The following LY6S variants were observed in gnomAD, a reference collection of about 807,000 sequenced individuals.
The protein encoded by LY6S is lymphocyte antigen 6S.
chr8:143,044,820 G>A, the LY6S span: 5 of 1,364,752 alleles, frequency 3.7e-6, no homozygotes, highest in African/African-American at 1.5e-5. Flanking sequence ...AGGGCAAGGT[G>A]GGTGACTGCA....
At chr8:143,056,188 AGAT>A in the LY6S span, among the ~76,000 whole-genome samples, 1 of 146,470 alleles carries the variant, frequency 6.8e-6, no homozygotes, top group Non-Finnish European at 1.5e-5. Context: ...TTATCAGGGT[AGAT>A]CATACATTTG....
At chr8:143,065,816 T>TTTCTTTCTTTCTTTCTTTCTTTCC in the LY6S span, 1 of 142,598 alleles carries the variant, frequency 7.0e-6, no homozygotes, top group South Asian at 2.4e-4. Context: ...TCTTTCTTTC[T>TTTCTTTCTTTCTTTCTTTCTTTCC]TTCTTTCCTT....
chr8:143,058,368 G>C, the LY6S span, among the ~76,000 whole-genome samples: 1 of 152,228 alleles, frequency 6.6e-6, no homozygotes, highest in African/African-American at 2.4e-5. Context: ...TCCAATGATA[G>C]GTAAGGTCAC....
At chr8:143,041,224 A>T in the LY6S span, among the ~76,000 whole-genome samples, 7 of 152,154 alleles carry the variant, frequency 4.6e-5, no homozygotes, top group East Asian at 7.7e-4. Flanking sequence ...GGCTTATTTC[A>T]TCCCTTATCT....
chr8:143,056,711 C>T, the LY6S span, among the ~76,000 whole-genome samples: 1 of 152,010 alleles, frequency 6.6e-6, no homozygotes, highest in African/African-American at 2.4e-5. Context: ...CTTTTTTTAA[C>T]TTTTCCAGAA....
the LY6S span, among the ~76,000 whole-genome samples, chr8:143,043,997 A>G: frequency 6.6e-6 from 1 of 152,100 alleles, no homozygotes; most frequent in Non-Finnish European, 1.5e-5. Context: ...TTCCTGCCTC[A>G]CCTCACTGAA....
At chr8:143,057,346 T>G in the LY6S span, 2 of 375,892 alleles carry the variant, frequency 5.3e-6, no homozygotes, top group Non-Finnish European at 1.0e-5. Flanking sequence ...ACCTCCAGGG[T>G]TCAAGCAATT....
chr8:143,044,189 T>G, the LY6S span: 8 of 456,272 alleles, frequency 1.8e-5, no homozygotes, highest in South Asian at 1.2e-4. Context: ...TCCAGGCAGG[T>G]AACTCACTGA....
chr8:143,044,639 C>G, the LY6S span: 3 of 1,351,594 alleles, frequency 2.2e-6, no homozygotes, highest in East Asian at 4.6e-5. Flanking sequence ...AAGTGCCCCT[C>G]CCTCCCCAGA....
the LY6S span, among the ~76,000 whole-genome samples, chr8:143,075,355 A>G: frequency 6.6e-6 from 1 of 152,172 alleles, no homozygotes; most frequent in Non-Finnish European, 1.5e-5. The surrounding 1 kb of genome is among the most constrained non-coding windows in gnomAD (Gnocchi z 4.1). Context: ...TCACCTAAGA[A>G]AAAAGTCTCC....
the LY6S span, chr8:143,065,928 G>C: frequency 3.6e-6 from 1 of 276,894 alleles, no homozygotes; most frequent in Non-Finnish European, 7.1e-6. Context: ...CGTGGGCTTT[G>C]GTGGCGGTCG....
At chr8:143,049,602 T>C in the LY6S span, among the ~76,000 whole-genome samples, 2 of 152,162 alleles carry the variant, frequency 1.3e-5, no homozygotes, top group African/African-American at 4.8e-5. Flanking sequence ...ATGGCCCAAC[T>C]CCAAGTCCAG....
the LY6S span, among the ~76,000 whole-genome samples, chr8:143,051,870 G>A: frequency 6.6e-6 from 1 of 151,618 alleles, no homozygotes; most frequent in Admixed American, 6.6e-5. Context: ...TACTCGGGAG[G>A]CTGAGGCAGG....
the LY6S span, chr8:143,049,157 T>G: frequency 1.9e-6 from 1 of 534,716 alleles, no homozygotes; most frequent in Admixed American, 1.9e-5. Context: ...CCAGCTTGGC[T>G]CGGGGACACC....
At chr8:143,045,837 G>A in the LY6S span, among the ~76,000 whole-genome samples, 3 of 148,704 alleles carry the variant, frequency 2.0e-5, 1 homozygote, top group South Asian at 6.5e-4. This position sits in a 1 kb window ranked among gnomAD's most constrained non-coding sequence, Gnocchi z 5.3. Flanking sequence ...AGCAATAGGT[G>A]ACTCCAGGCC....
At chr8:143,066,800 T>C in the LY6S span, among the ~76,000 whole-genome samples, 8 of 152,340 alleles carry the variant, frequency 5.3e-5, no homozygotes, top group Admixed American at 5.2e-4. Flanking sequence ...GTGTTGATGC[T>C]GGGACGAGTT....
chr8:143,071,779 C>T, the LY6S span, among the ~76,000 whole-genome samples: 2 of 152,146 alleles, frequency 1.3e-5, no homozygotes, highest in African/African-American at 2.4e-5. Flanking sequence ...CGCACGTGCC[C>T]GGCTTCAGCG....
chr8:143,072,920 C>T, the LY6S span, among the ~76,000 whole-genome samples: 4 of 64,290 alleles, frequency 6.2e-5, no homozygotes, highest in South Asian at 7.8e-4. Context: ...CAGCCGTCAT[C>T]CCCGGGGTTC....
chr8:143,070,457 TATATATAATATATATATAA>T, the LY6S span, among the ~76,000 whole-genome samples: 3 of 45,350 alleles, frequency 6.6e-5, no homozygotes, highest in African/African-American at 2.2e-4. Flanking sequence ...TATATATATA[TATATATAATATATATATAA>T]ATATATATAT....
Sources: gnomAD v4.1 joint callset for allele counts (sites outside exome capture counted in the v4.1 genomes callset) on GRCh38, gnomAD v4.1.1 for gene constraint, Gnocchi (gnomAD v3.1) non-coding constraint, MANE v1.5 for transcripts, NCBI Gene and HGNC (gene_info 2026-07-23, HGNC 2026-07-21) for gene names.